The following PIAS2 variants were observed in gnomAD, a reference collection of about 807,000 sequenced individuals.
PIAS2 encodes protein inhibitor of activated STAT 2.
A neutral mutation model predicts 69.7 loss-of-function variants in PIAS2; 19 were observed. That is an observed-to-expected ratio of 0.27 (90% CI 0.19 to 0.40). The LOEUF is 0.40. PIAS2 is among the 10% of genes least tolerant of loss of function. The pLI is 1.00. For synonymous variants in PIAS2, 261 were observed against 263.2 expected (o/e 0.99, Z 0.08); for missense variants, 624 against 757.0 (o/e 0.82, Z 2.06).
chr18:46,902,730 T>C (rs1023234269), intron 1 of PIAS2, among the ~76,000 whole-genome samples: 1 of 152,162 alleles, frequency 6.6e-6, no homozygotes, highest in African/African-American at 2.4e-5. Flanking sequence ...CTAAAATGTA[T>C]ATGAAAAGGC....
Position 46,846,761 on chromosome 18 carries a change from T to C in PIAS2, c.807A>G (p.Leu269=), listed in dbSNP as rs767923001. 5.7e-5 allele frequency: 92 copies of C among 1,612,852 alleles called. 1 individual carries two copies. The South Asian group carries it at 9.5e-4, about 17-fold the overall frequency. The change falls in exon 6 of 14, where the codon TTA becomes TTG. Residue 269 remains leucine (L), a synonymous_variant. Transcript: ENST00000585916. ...RPLNITSLVR[L]SSAVPNQISI... Reference sequence around the variant, plus strand: ...AAATTTGGTTTGGCACAGCTGAAGATAACCTAACTAAAGATGTAATATTCA... The same window carrying C: ...AAATTTGGTTTGGCACAGCTGAAGACAACCTAACTAAAGATGTAATATTCA...
chr18:46,815,815 G>A (rs866217815), intron 12 of PIAS2: 33 of 993,418 alleles, frequency 3.3e-5, no homozygotes, highest in South Asian at 1.8e-4. Context: ...CTCTGTCCCC[G>A]CTGTCCCCAC....
chr18:46,839,350 G>A (rs1028601264), intron 8 of PIAS2, among the ~76,000 whole-genome samples: 3 of 152,108 alleles, frequency 2.0e-5, no homozygotes, highest in African/African-American at 7.2e-5. Flanking sequence ...TAATTATATA[G>A]AGAATTAAAT....
chr18:46,893,897 G>A (rs761620821), intron 1 of PIAS2, among the ~76,000 whole-genome samples: 19 of 152,112 alleles, frequency 1.2e-4, no homozygotes, highest in African/African-American at 1.9e-4. Context: ...GAGGCAAGGC[G>A]GGTGGATCAT....
At chr18:46,841,427 T>C (rs2145185632) in intron 8 of PIAS2, among the ~76,000 whole-genome samples, 2 of 152,320 alleles carry the variant, frequency 1.3e-5, no homozygotes, top group Middle Eastern at 3.4e-3. Flanking sequence ...CTGCACCAGA[T>C]CCCATGTTAT....
At chr18:46,884,622 T>TA (rs200843380) in intron 2 of PIAS2, among the ~76,000 whole-genome samples, 1,928 of 151,094 alleles carry the variant, frequency 0.013, 38 homozygotes, top group African/African-American at 0.043. Context: ...TCATGTTTTT[T>TA]AAAAATTATC....
intron 2 of PIAS2, among the ~76,000 whole-genome samples, chr18:46,874,610 T>C (rs1288533805): frequency 2.0e-5 from 3 of 152,110 alleles, no homozygotes; most frequent in Admixed American, 2.0e-4. Flanking sequence ...TTACTGAGGG[T>C]CTGAACTACC....
chr18:46,813,612 A>C (rs573827740), intron 13 of PIAS2, among the ~76,000 whole-genome samples: 27 of 152,330 alleles, frequency 1.8e-4, no homozygotes, highest in African/African-American at 6.3e-4. Flanking sequence ...GCAGCTTATC[A>C]TTAGAGACAC....
chr18:46,853,822 A>T (rs1340298499), intron 5 of PIAS2: 1 of 152,386 alleles, frequency 6.6e-6, no homozygotes, highest in Admixed American at 6.5e-5. Context: ...GAAAAAAAGG[A>T]TAGCTCCTGA....
At chr18:46,857,649 T>C (rs2048034431) in intron 3 of PIAS2, among the ~76,000 whole-genome samples, 1 of 152,150 alleles carries the variant, frequency 6.6e-6, no homozygotes, top group Admixed American at 6.5e-5. Flanking sequence ...CCTAGAAAGA[T>C]GGATGGGGGC....
chr18:46,895,131 C>T (rs2054646606), intron 1 of PIAS2, among the ~76,000 whole-genome samples: 1 of 151,322 alleles, frequency 6.6e-6, no homozygotes, highest in South Asian at 2.1e-4. Flanking sequence ...TACATGTAAT[C>T]ACCAGTGAAT....
intron 1 of PIAS2, chr18:46,916,876 C>G: frequency 1.9e-5 from 19 of 985,486 alleles, no homozygotes; most frequent in Non-Finnish European, 2.3e-5. Flanking sequence ...GATTCCTAAA[C>G]GCAACTTCAG....
chr18:46,894,780 ACCT>A (rs1414367780), intron 1 of PIAS2, among the ~76,000 whole-genome samples: 3 of 152,076 alleles, frequency 2.0e-5, no homozygotes, highest in Non-Finnish European at 2.9e-5. Context: ...GGTAGAAAAT[ACCT>A]CATTAGGCTG....
At position 46,803,712 on chromosome 18, in the gene PIAS2, G is replaced by T. The variant is rs509647; in HGVS notation, c.*8721C>A. 84,145 of 152,032 alleles carry T rather than the reference G, an allele frequency of 0.55. 23,764 individuals carry two copies. Among genetic ancestry groups the T allele is most frequent in the African/African-American group, 0.65 (26,945 of 41,458 alleles). 9.4% of individuals were successfully genotyped at this position (152,032 alleles called of 1,614,324 possible). A position where few individuals can be genotyped will look rare whatever the true frequency, so the allele number is the denominator to read the frequency against. ...AAATTATGTTTACAATTATATTGTA[G>T]CACTCTGTGTAGTGTACCTGACCCA... On this transcript the variant is annotated 3_prime_UTR_variant, in exon 14 of 14. Coordinates refer to ENST00000585916, the MANE Select transcript of PIAS2 (RefSeq NM_004671.5).
At chr18:46,892,722 T>C (rs1220253120) in intron 1 of PIAS2, among the ~76,000 whole-genome samples, 1 of 152,104 alleles carries the variant, frequency 6.6e-6, no homozygotes, top group African/African-American at 2.4e-5. Flanking sequence ...TACAGTGAAC[T>C]GTGATCACAC....
intron 1 of PIAS2, chr18:46,891,269 A>C (rs956358856): frequency 7.6e-6 from 5 of 661,630 alleles, no homozygotes; most frequent in African/African-American, 1.8e-5. Flanking sequence ...TTTGTTGTAC[A>C]AGATCTTAAT....
intron 5 of PIAS2, among the ~76,000 whole-genome samples, chr18:46,849,749 T>C (rs1008248368): frequency 6.6e-6 from 1 of 152,174 alleles, no homozygotes; most frequent in South Asian, 2.1e-4. Flanking sequence ...ATTTCAAACA[T>C]ACACAAGAAA....
chr18:46,902,558 C>CT (rs1255796105), intron 1 of PIAS2, among the ~76,000 whole-genome samples: 2 of 151,114 alleles, frequency 1.3e-5, no homozygotes, highest in Non-Finnish European at 2.9e-5. Flanking sequence ...AAAACTCTGT[C>CT]TCAAAAAAAA....
intron 5 of PIAS2, among the ~76,000 whole-genome samples, chr18:46,850,961 A>T (rs1173243312): frequency 6.6e-6 from 1 of 152,178 alleles, no homozygotes; most frequent in Non-Finnish European, 1.5e-5. Context: ...TATTATAAGC[A>T]CACTTACATA....
Sources: gnomAD v4.1 joint callset for allele counts (sites outside exome capture counted in the v4.1 genomes callset) on GRCh38, gnomAD v4.1.1 for gene constraint, MANE v1.5 for transcripts, NCBI Gene and HGNC (gene_info 2026-07-23, HGNC 2026-07-21) for gene names.